The following TBCD variants were observed in gnomAD, a reference collection of about 807,000 sequenced individuals.
TBCD encodes tubulin-specific chaperone D.
TBCD carries 105 observed loss-of-function variants against 169.3 expected under a neutral mutation model. The ratio of observed to expected loss-of-function variants is 0.62; its 90% CI spans 0.53 to 0.73. The LOEUF (loss-of-function observed/expected upper bound fraction) is 0.73, where lower values mean the gene tolerates loss of function less well. TBCD is among the 30% of genes least tolerant of loss of function. The pLI, the probability that TBCD is intolerant of heterozygous loss-of-function variation, is 0.00. For missense variants in TBCD, 1,444 were observed against 1,600.1 expected (o/e 0.90, Z 1.66); for synonymous variants, 700 against 643.9 (o/e 1.09, Z -1.32).
At chr17:82,769,332 A>G (rs1468869288) in intron 5 of TBCD, among the ~76,000 whole-genome samples, 1 of 152,204 alleles carries the variant, frequency 6.6e-6, no homozygotes, top group Non-Finnish European at 1.5e-5. Flanking sequence ...TCATGATAAT[A>G]TGTTACCTGA....
At chr17:82,815,555 C>T (rs1382422409) in intron 13 of TBCD, among the ~76,000 whole-genome samples, 1 of 152,242 alleles carries the variant, frequency 6.6e-6, no homozygotes, top group Non-Finnish European at 1.5e-5. Context: ...CTGCCCCAGA[C>T]CAGCTCTTGT....
Position 82,782,218 on chromosome 17 carries a change from C to G in TBCD, c.771+497C>G, listed in dbSNP as rs1222002582. 6.6e-6 allele frequency among the ~76,000 whole-genome samples: 1 copy of G among 151,982 alleles called. No homozygotes were observed. Among genetic ancestry groups the G allele is most frequent in the Non-Finnish European group, 1.5e-5 (1 of 67,964 alleles). On this transcript the variant is annotated intron_variant, in intron 7 of 38. Transcript: ENST00000355528. The surrounding 1 kb of genome is among the most constrained non-coding windows in gnomAD (Gnocchi z 5.1). ...GCCCTTTGCCAGCCCTTTCCCTGCC[C>G]TTTCGCTCTGATTGTCTCTTGTGTT... is the stretch of plus-strand genomic sequence containing the variant.
chr17:82,862,873 T>C (rs1328048582), intron 13 of TBCD, among the ~76,000 whole-genome samples: 1 of 152,142 alleles, frequency 6.6e-6, no homozygotes, highest in Non-Finnish European at 1.5e-5. Flanking sequence ...CAGGTGTCTG[T>C]CCTCTCACGC....
At chr17:82,803,824 C>T (rs898133858) in intron 9 of TBCD, among the ~76,000 whole-genome samples, 5 of 145,732 alleles carry the variant, frequency 3.4e-5, no homozygotes, top group Admixed American at 1.4e-4. Context: ...TGCGCGCTTG[C>T]GTGAGGAGAA....
At chr17:82,896,149 TG>T (rs2059461087) in intron 17 of TBCD, among the ~76,000 whole-genome samples, 1 of 152,182 alleles carries the variant, frequency 6.6e-6, no homozygotes, top group South Asian at 2.1e-4. Context: ...CAGCTGTGTC[TG>T]CATTTCCCAA....
At chr17:82,853,264 T>C (rs1419322439) in intron 13 of TBCD, among the ~76,000 whole-genome samples, 4 of 152,092 alleles carry the variant, frequency 2.6e-5, no homozygotes, top group Non-Finnish European at 5.9e-5. Context: ...ATTTTTTTTC[T>C]TTTTCTTTTT....
In TBCD at chr17:82,768,151, TG is replaced by T. The variant is rs759399809; in HGVS notation, c.436-268del. ...TGCCAGCGAAGAGAAGCTGCTATAC[TG>T]ATGTATTATGATTTTTCTTTGTTCA... On this transcript the variant is annotated intron_variant, in intron 4 of 38. Coordinates refer to ENST00000355528, the MANE Select transcript of TBCD (RefSeq NM_005993.5). Among the ~76,000 whole-genome samples the T allele has an allele frequency of 2.0e-5, 3 of 152,286 alleles. No individual in the cohort carries two copies. In the East Asian group the frequency reaches 5.8e-4, roughly 29 times the overall value.
intron 34 of TBCD, among the ~76,000 whole-genome samples, chr17:82,935,744 C>T (rs1342071660): frequency 3.9e-5 from 6 of 152,204 alleles, no homozygotes; most frequent in South Asian, 2.1e-4. Flanking sequence ...CTTAGATGTA[C>T]GTACTTTCCT....
Position 82,864,520 on chromosome 17 carries a change from C to T in TBCD, c.1319-5704C>T, listed in dbSNP as rs1421730925. ...TCATACACCTGGCCTGGCCTGCGTGCCTCACGTGTGGTGGGGATTTGTGAC... is the reference window on the plus strand; with the variant it reads ...TCATACACCTGGCCTGGCCTGCGTGTCTCACGTGTGGTGGGGATTTGTGAC... On this transcript the variant is annotated intron_variant, in intron 13 of 38. Coordinates refer to ENST00000355528, the MANE Select transcript of TBCD (RefSeq NM_005993.5). The surrounding 1 kb of genome is among the most constrained non-coding windows in gnomAD (Gnocchi z 6.3). The T allele has an allele frequency of 6.6e-6, 1 of 152,330 alleles. No homozygotes were observed. The highest frequency in any genetic ancestry group is 6.5e-5 in the Admixed American group (1 of 15,286). The allele number at this position is 152,330 out of a possible 1,614,324, so 9.4% of individuals were successfully genotyped here.
At chr17:82,905,890 C>T (rs1367024862) in intron 19 of TBCD, 46 bp from the exon 20 acceptor site, 1 of 1,497,756 alleles carries the variant, frequency 6.7e-7, no homozygotes, top group African/African-American at 1.4e-5. Flanking sequence ...ACAGGCCGTC[C>T]ACATGTACAC....
At chr17:82,846,139 T>C (rs1349450891) in intron 13 of TBCD, among the ~76,000 whole-genome samples, 1 of 150,730 alleles carries the variant, frequency 6.6e-6, no homozygotes, top group Non-Finnish European at 1.5e-5. Context: ...GGCAGAACTG[T>C]GGGATGGGAC....
rs191544318 is a variant in TBCD, at chr17:82,901,917, C to T, written c.1730+1186C>T. 9.8e-3 allele frequency among the ~76,000 whole-genome samples: 1,486 copies of T among 152,332 alleles called. 86 individuals carry two copies. The highest frequency in any genetic ancestry group is 0.088 in the Admixed American group (1,350 of 15,298). On this transcript the variant is annotated intron_variant, in intron 18 of 38. Transcript: ENST00000355528. ...AAATTAATTAATTTGTCAGTTGTAT[C>T]AGCCGATTAGTCAATAACGTCTTTA... is the stretch of plus-strand genomic sequence containing the variant.
At chr17:82,828,849 C>T (rs931376962) in intron 13 of TBCD, among the ~76,000 whole-genome samples, 3 of 149,066 alleles carry the variant, frequency 2.0e-5, no homozygotes, top group Non-Finnish European at 4.5e-5. Flanking sequence ...ATGTGTACAC[C>T]CCTCCCACAT....
chr17:82,928,423 G>A (rs1368193286), intron 30 of TBCD, among the ~76,000 whole-genome samples: 1 of 152,140 alleles, frequency 6.6e-6, no homozygotes, highest in Non-Finnish European at 1.5e-5. Context: ...CTTGCTGTGT[G>A]TCTCTGTCGG....
intron 18 of TBCD, among the ~76,000 whole-genome samples, chr17:82,902,508 G>T (rs1462389324): frequency 1.3e-5 from 2 of 152,220 alleles, no homozygotes; most frequent in Non-Finnish European, 2.9e-5. Flanking sequence ...GTCGCTCAGG[G>T]TGTGGAGTCC....
chr17:82,802,579 A>G (rs117262833), intron 9 of TBCD, among the ~76,000 whole-genome samples: 1,796 of 152,354 alleles, frequency 0.012, 17 homozygotes, highest in Non-Finnish European at 0.021. Context: ...CAAAGGCCTC[A>G]GGGTGGAGAC....
At chr17:82,825,748 G>A (rs536229014) in intron 13 of TBCD, among the ~76,000 whole-genome samples, 11 of 152,284 alleles carry the variant, frequency 7.2e-5, no homozygotes, top group Admixed American at 1.3e-4. Context: ...AAACTATTGC[G>A]TCACTCATCT....
chr17:82,775,307 A>G (rs189447285), intron 6 of TBCD, among the ~76,000 whole-genome samples: 1 of 152,254 alleles, frequency 6.6e-6, no homozygotes, highest in African/African-American at 2.4e-5. Flanking sequence ...CTGATTCTCA[A>G]GAGTGTTTGA....
At chr17:82,905,180 G>A (rs908136015) in intron 19 of TBCD, among the ~76,000 whole-genome samples, 8 of 152,280 alleles carry the variant, frequency 5.3e-5, no homozygotes, top group African/African-American at 1.9e-4. Context: ...GTCCTGCTCC[G>A]CCCCCTCCAC....
Sources: allele counts gnomAD v4.1 joint callset (sites outside exome capture counted in the v4.1 genomes callset), GRCh38; gene constraint gnomAD v4.1.1; non-coding constraint Gnocchi (gnomAD v3.1); transcripts MANE v1.5; gene names NCBI Gene and HGNC (gene_info 2026-07-23, HGNC 2026-07-21).